SGCG: variants seen among roughly 807,000 people sequenced by gnomAD.
SGCG encodes the protein sarcoglycan gamma, also known as gamma-sarcoglycan.
Under a neutral mutation model 29.3 loss-of-function variants are expected in SGCG, and 26 were observed. The observed-to-expected ratio is 0.89, with a 90% CI of 0.65 to 1.23. The LOEUF (loss-of-function observed/expected upper bound fraction) is 1.23. Ranked by LOEUF, SGCG falls within the 50% of genes most tolerant of loss-of-function variation. The probability of loss-of-function intolerance (pLI) is 0.00; values close to 1 mark genes in which losing one functional copy is unlikely to be tolerated. For missense variants in SGCG, 353 were observed against 356.0 expected (o/e 0.99, Z 0.07); for synonymous variants, 145 against 129.7 (o/e 1.12, Z -0.80).
At chr13:23,277,132 GA>G (rs1347719351) in intron 4 of SGCG, among the ~76,000 whole-genome samples, 3 of 151,822 alleles carry the variant, frequency 2.0e-5, no homozygotes, top group Non-Finnish European at 2.9e-5. Context: ...AATAACTATA[GA>G]AAAAAAATTG....
At chr13:23,242,266 A>G (rs1375218817) in intron 3 of SGCG, among the ~76,000 whole-genome samples, 2 of 152,164 alleles carry the variant, frequency 1.3e-5, no homozygotes, top group Non-Finnish European at 1.5e-5. Context: ...AGTTGGAAGT[A>G]GTTAATTATG....
intron 1 of SGCG, among the ~76,000 whole-genome samples, chr13:23,181,374 A>G (rs1198013632): frequency 6.6e-6 from 1 of 152,198 alleles, no homozygotes; most frequent in Admixed American, 6.5e-5. Flanking sequence ...TGGGCATTGA[A>G]TTGGATCCTG....
chr13:23,304,919 A>AAAAT (rs1268870626), intron 6 of SGCG, among the ~76,000 whole-genome samples: 34 of 152,156 alleles, frequency 2.2e-4, no homozygotes, highest in African/African-American at 7.7e-4. Context: ...AAGATATTTT[A>AAAAT]ATGTCTGGTA....
chr13:23,275,904 C>T (rs1309252313), intron 4 of SGCG, among the ~76,000 whole-genome samples: 1 of 151,962 alleles, frequency 6.6e-6, no homozygotes, highest in Non-Finnish European at 1.5e-5. Context: ...TAAAGATATC[C>T]TGAGGAACAA....
the SGCG span, among the ~76,000 whole-genome samples, chr13:23,173,605 C>T: frequency 6.6e-6 from 1 of 152,174 alleles, no homozygotes; most frequent in Non-Finnish European, 1.5e-5. Context: ...TTATTATTTT[C>T]ATAATTGCTA....
intron 4 of SGCG, among the ~76,000 whole-genome samples, chr13:23,257,277 A>G (rs1284541954): frequency 1.3e-5 from 2 of 152,008 alleles, no homozygotes; most frequent in Non-Finnish European, 2.9e-5. Flanking sequence ...AGCCCTTTAT[A>G]TACTTTAATT....
At position 23,218,636 on chromosome 13, in the gene SGCG, C is replaced by T. The variant is rs533805275; in HGVS notation, c.195+14747C>T. On this transcript the variant is annotated intron_variant, in intron 2 of 7. Transcript: ENST00000218867. ...TTAAAAATCAATATCAGAGAGTGAC[C>T]AATATTTCTGCACACACTCAAATAT... is the stretch of plus-strand genomic sequence containing the variant. Among the ~76,000 whole-genome samples the T allele has an allele frequency of 4.6e-5, 7 of 151,938 alleles. No homozygotes were observed. In the East Asian group the frequency reaches 9.7e-4, roughly 21 times the overall value.
chr13:23,216,835 A>G (rs1485885514), intron 2 of SGCG, among the ~76,000 whole-genome samples: 2 of 152,144 alleles, frequency 1.3e-5, no homozygotes, highest in African/African-American at 4.8e-5. Context: ...TTGTACACTT[A>G]CGCCAGTCAT....
chr13:23,168,223 TG>T, the SGCG span, among the ~76,000 whole-genome samples: 1 of 152,210 alleles, frequency 6.6e-6, no homozygotes, highest in East Asian at 1.9e-4. Flanking sequence ...TAACTTGATG[TG>T]CCAGAAAAAC....
intron 5 of SGCG, among the ~76,000 whole-genome samples, chr13:23,294,796 C>T (rs1566035358): frequency 6.6e-6 from 1 of 152,144 alleles, no homozygotes; most frequent in East Asian, 1.9e-4. Flanking sequence ...AAAATACTAC[C>T]TGCGTTGCAG....
chr13:23,223,263 T>C (rs6490787), intron 2 of SGCG, among the ~76,000 whole-genome samples: 99,848 of 139,162 alleles, frequency 0.72, 35,721 homozygotes, highest in East Asian at 0.92. Context: ...GGCGACAGAG[T>C]CAGACTCTGT....
At chr13:23,167,045 A>G in the SGCG span, among the ~76,000 whole-genome samples, 51 of 152,214 alleles carry the variant, frequency 3.4e-4, no homozygotes, top group South Asian at 0.011. Flanking sequence ...CCCTGCCCCT[A>G]CTTTCACTAC....
intron 4 of SGCG, among the ~76,000 whole-genome samples, chr13:23,258,355 T>C (rs1311573259): frequency 6.6e-6 from 1 of 152,166 alleles, no homozygotes; most frequent in South Asian, 2.1e-4. Context: ...GTTTGTGTGT[T>C]ATTGGTGTAT....
At chr13:23,189,079 G>A (rs1565992519) in intron 1 of SGCG, among the ~76,000 whole-genome samples, 1 of 152,142 alleles carries the variant, frequency 6.6e-6, no homozygotes, top group Non-Finnish European at 1.5e-5. Context: ...GATGACGGGC[G>A]GTCATCCCCC....
chr13:23,222,048 G>A (rs950604476), intron 2 of SGCG, among the ~76,000 whole-genome samples: 1 of 152,202 alleles, frequency 6.6e-6, no homozygotes, highest in East Asian at 1.9e-4. Context: ...ATTAAGTGTT[G>A]TTAAATTAAG....
At chr13:23,269,266 T>G (rs1880764144) in intron 4 of SGCG, 1 of 152,200 alleles carries the variant, frequency 6.6e-6, no homozygotes, top group African/African-American at 2.4e-5. Flanking sequence ...AGTACAGAGA[T>G]AAGATATTTT....
At position 23,316,302 on chromosome 13, in the gene SGCG, A is replaced by G. The variant is rs551303873; in HGVS notation, c.579-4335A>G. Among the ~76,000 whole-genome samples the G allele has an allele frequency of 2.0e-5, 3 of 152,322 alleles. No homozygotes were observed. The East Asian group carries it at 5.8e-4, about 29-fold the overall frequency. ...TATCCTGCATGCAATGTTTCTGCCAAGACTACTATCTGTAGACTCATGGAA... is the reference window on the plus strand; with the variant it reads ...TATCCTGCATGCAATGTTTCTGCCAGGACTACTATCTGTAGACTCATGGAA... On this transcript the variant is annotated intron_variant, in intron 6 of 7. Transcript: ENST00000218867.
chr13:23,284,523 C>T (rs1367890267), intron 5 of SGCG, among the ~76,000 whole-genome samples: 1 of 152,068 alleles, frequency 6.6e-6, no homozygotes, highest in Admixed American at 6.5e-5. Context: ...TTTCAAGGTT[C>T]TTAGCTTCCT....
At chr13:23,196,922 C>T (rs9580562) in intron 1 of SGCG, among the ~76,000 whole-genome samples, 69,978 of 151,922 alleles carry the variant, frequency 0.46, 16,284 homozygotes, top group Admixed American at 0.51. Context: ...GCAGTCATTC[C>T]CAATACTAGC....
Sources: gnomAD v4.1 joint callset for allele counts (sites outside exome capture counted in the v4.1 genomes callset) on GRCh38, gnomAD v4.1.1 for gene constraint, MANE v1.5 for transcripts, NCBI Gene and HGNC (gene_info 2026-07-23, HGNC 2026-07-21) for gene names.